Variants in LOXHD1 observed in about 807,000 individuals in gnomAD.
LOXHD1 encodes the protein lipoxygenase homology domain-containing protein 1.
In LOXHD1, 205 loss-of-function variants were observed where a neutral mutation model predicts 248.2. That is an observed-to-expected ratio of 0.83 (90% CI 0.74 to 0.93). The LOEUF (loss-of-function observed/expected upper bound fraction) is 0.93, where lower values mean the gene tolerates loss of function less well. Ranked by LOEUF, LOXHD1 falls within the 40% of genes least tolerant of loss-of-function variation. The pLI, the probability that LOXHD1 is intolerant of heterozygous loss-of-function variation, is 0.00. For synonymous variants in LOXHD1, 1,113 were observed against 1,162.8 expected (o/e 0.96, Z 0.87); for missense variants, 2,930 against 2,971.6 (o/e 0.99, Z 0.33).
intron 38 of LOXHD1, among the ~76,000 whole-genome samples, chr18:46,486,047 G>A (rs1224062784): frequency 6.6e-6 from 1 of 151,996 alleles, no homozygotes; most frequent in Non-Finnish European, 1.5e-5. Flanking sequence ...TCATGTCTCA[G>A]AGATGTCTAT....
At chr18:46,523,881 G>C (rs78998568) in intron 31 of LOXHD1, among the ~76,000 whole-genome samples, 11,900 of 152,090 alleles carry the variant, frequency 0.078, 562 homozygotes, top group Non-Finnish European at 0.1. Context: ...CCTGGAGGGG[G>C]ATAGCATGGT....
At chr18:46,589,791 TA>T (rs2038132058) in intron 12 of LOXHD1, among the ~76,000 whole-genome samples, 1 of 152,078 alleles carries the variant, frequency 6.6e-6, no homozygotes, top group South Asian at 2.1e-4. Context: ...ACAGGGCCTT[TA>T]AAGGAGTAAA....
chr18:46,559,724 T>G, intron 19 of LOXHD1, 122 bp from the exon 20 acceptor site: 1 of 1,137,770 alleles, frequency 8.8e-7, no homozygotes, highest in Non-Finnish European at 1.2e-6. Context: ...GCATCTACAC[T>G]AACCTGGGAC....
At chr18:46,646,327 G>T (rs2039029566) in intron 2 of LOXHD1, among the ~76,000 whole-genome samples, 1 of 152,168 alleles carries the variant, frequency 6.6e-6, no homozygotes, top group Admixed American at 6.5e-5. Context: ...TATGTTCTGG[G>T]TTGCATGGGC....
At chr18:46,585,415 T>C (rs976930041) in intron 12 of LOXHD1, among the ~76,000 whole-genome samples, 1 of 152,134 alleles carries the variant, frequency 6.6e-6, no homozygotes, top group African/African-American at 2.4e-5. Flanking sequence ...AGTCTGAAAG[T>C]GAAATTAAGA....
rs768862688 is a variant in LOXHD1 at position 46,566,463 on chromosome 18, G to A, written c.2245-14C>T. 8 of 1,545,122 alleles carry A rather than the reference G, an allele frequency of 5.2e-6. No individual in the cohort carries two copies. Among genetic ancestry groups the A allele is most frequent in the African/African-American group, 1.4e-5 (1 of 73,032 alleles). On this transcript the variant is annotated splice_polypyrimidine_tract_variant and intron_variant, in intron 16 of 40. Transcript: ENST00000642948. ...CAGCCGGTTGATCTGAAGGAAACCC[G>A]AGTGAGGGTGAGCAAGGAGCCAGTG...
Position 46,560,261 on chromosome 18 carries a change from C to T in LOXHD1, c.2883G>A (p.Glu961=), listed in dbSNP as rs1156504625. 1 of 1,551,676 alleles carries T rather than the reference C, an allele frequency of 6.4e-7. No individual in the cohort carries two copies. The highest frequency in any genetic ancestry group is 2.0e-5 in the Admixed American group (1 of 51,016). Residue 961 remains glutamate, a synonymous_variant, in exon 19 of 41, where the codon GAG becomes GAA. Coordinates refer to ENST00000642948, the MANE Select transcript of LOXHD1 (RefSeq NM_001384474.1). ...TCTCCTCCTCCTCTGACGAGGACTC[C>T]TCTGATGAGGACGACTCCTCTTCCT... ...EGEEEESSSS[E]ESSSEEEEME... is the part of the protein sequence containing the mutation.
intron 6 of LOXHD1, among the ~76,000 whole-genome samples, chr18:46,610,152 G>T (rs575358360): frequency 4.6e-5 from 7 of 152,168 alleles, no homozygotes; most frequent in African/African-American, 9.7e-5. Flanking sequence ...GTCAGGGAAG[G>T]CTTCATGGCA....
At chr18:46,543,114 T>C (rs2036636813) in intron 23 of LOXHD1, among the ~76,000 whole-genome samples, 2 of 152,172 alleles carry the variant, frequency 1.3e-5, no homozygotes, top group African/African-American at 4.8e-5. Flanking sequence ...TGGTGCACCA[T>C]CACCTGAGCT....
At chr18:46,500,837 TC>T (rs1477378210) in intron 37 of LOXHD1, among the ~76,000 whole-genome samples, 2 of 152,222 alleles carry the variant, frequency 1.3e-5, no homozygotes, top group African/African-American at 2.4e-5. Flanking sequence ...TCACATGTGT[TC>T]CTTCATTTTA....
At chr18:46,518,101 G>T (rs1039641357) in intron 34 of LOXHD1, 28 bp downstream of exon 34, 1 of 1,550,446 alleles carries the variant, frequency 6.4e-7, no homozygotes, top group Non-Finnish European at 8.7e-7. Context: ...TGTGGGAGGG[G>T]TGAGGGGCAG....
intron 26 of LOXHD1, among the ~76,000 whole-genome samples, chr18:46,536,508 GA>G (rs1005011072): frequency 6.6e-5 from 10 of 150,572 alleles, no homozygotes; most frequent in Admixed American, 3.3e-4. Flanking sequence ...GATTTGAAAA[GA>G]AAAAAAAATA....
intron 17 of LOXHD1, among the ~76,000 whole-genome samples, chr18:46,565,833 G>A (rs535398468): frequency 1.3e-5 from 2 of 152,114 alleles, no homozygotes; most frequent in South Asian, 2.1e-4. Flanking sequence ...TTTGATCCTC[G>A]ATTGAATCCA....
chr18:46,633,861 T>C (rs554622207), intron 4 of LOXHD1, among the ~76,000 whole-genome samples: 2 of 152,220 alleles, frequency 1.3e-5, no homozygotes, highest in Admixed American at 6.5e-5. Context: ...AATAAGCACA[T>C]GAAGAGATTC....
intron 34 of LOXHD1, among the ~76,000 whole-genome samples, chr18:46,510,932 A>G (rs1013250679): frequency 6.6e-6 from 1 of 152,226 alleles, no homozygotes; most frequent in East Asian, 1.9e-4. Context: ...CATGTCACAC[A>G]CTGAGATTCT....
At position 46,560,449 on chromosome 18, in the gene LOXHD1, G is replaced by A. The variant is rs769584753; in HGVS notation, c.2695C>T (p.Arg899Trp). The A allele has an allele frequency of 1.8e-5, 28 of 1,543,308 alleles. No homozygotes were observed. In the East Asian group the frequency reaches 4.6e-4, roughly 26 times the overall value. ...PSWFVDTVWLRHLVVREVDLT... is the reference protein window; with the variant it reads ...PSWFVDTVWLWHLVVREVDLT... The stretch of plus-strand genomic sequence containing the variant: ...TCCACCTCCCGCACCACCAGGTGCC[G>A]CAGCCACACGGTGTCCACGAACCAG... The change falls in exon 19 of 41, where the codon CGG becomes TGG. Residue 899 changes from arginine (R) to tryptophan (W), a missense_variant. Coordinates refer to ENST00000642948, the MANE Select transcript of LOXHD1 (RefSeq NM_001384474.1).
chr18:46,518,279 G>T (rs1316650380), intron 33 of LOXHD1, 23 bp from the exon 34 acceptor site: 19 of 1,549,098 alleles, frequency 1.2e-5, no homozygotes, highest in Non-Finnish European at 1.7e-5. Context: ...GAATGCAGGT[G>T]CTGAGTCTCA....
At position 46,601,265 on chromosome 18, in the gene LOXHD1, G is replaced by T. The variant is rs760464754; in HGVS notation, c.1086C>A (p.Ser362=). The change falls in exon 8 of 41, where the codon TCC becomes TCA. Residue 362 remains serine, a synonymous_variant. Coordinates refer to ENST00000642948, the MANE Select transcript of LOXHD1 (RefSeq NM_001384474.1). ...TGACACCCACATTGCCATGCCCGAC[G>T]GAGACCCGACTCAGGGGGCTAAGGA... ...AVLLSPLSRV[S]VGHGNVGVNR... 16 of 1,551,688 alleles carry T rather than the reference G, an allele frequency of 1.0e-5. No homozygotes were observed. The South Asian group carries it at 1.8e-4, about 17-fold the overall frequency.
At chr18:46,580,368 C>A (rs1480308945) in intron 12 of LOXHD1, among the ~76,000 whole-genome samples, 11 of 152,234 alleles carry the variant, frequency 7.2e-5, no homozygotes, top group Non-Finnish European at 5.9e-5. Flanking sequence ...TCAGAACTCC[C>A]ACTGATAAGG....
Sources: gnomAD v4.1 joint callset for allele counts (sites outside exome capture counted in the v4.1 genomes callset) on GRCh38, gnomAD v4.1.1 for gene constraint, MANE v1.5 for transcripts, NCBI Gene and HGNC (gene_info 2026-07-23, HGNC 2026-07-21) for gene names.